TEX11: variants seen among roughly 807,000 people sequenced by gnomAD.
TEX11 encodes the protein testis-expressed protein 11.
In TEX11, 7 loss-of-function variants were observed where a neutral mutation model predicts 84.4. The observed-to-expected ratio is 0.08, with a 90% CI of 0.05 to 0.16. TEX11 has a LOEUF of 0.16. Among genes scored for constraint, TEX11 ranks in the 10% least tolerant of loss-of-function variants. TEX11 has a pLI of 1.00. For missense variants in TEX11, 551 were observed against 660.5 expected (o/e 0.83, Z 1.82); for synonymous variants, 264 against 222.8 (o/e 1.18, Z -1.64).
At chrX:70,549,075 C>G (rs868357668) in intron 28 of TEX11, among the ~76,000 whole-genome samples, 3 of 111,476 alleles carry the variant, frequency 2.7e-5, no homozygotes, top group African/African-American at 9.8e-5. Context: ...ACCAGCTCAG[C>G]CACAGTAGGA....
At chrX:70,569,343 T>A (rs2088550478) in intron 25 of TEX11, among the ~76,000 whole-genome samples, 1 of 111,750 alleles carries the variant, frequency 8.9e-6, no homozygotes, top group African/African-American at 3.3e-5. Context: ...TCTTTGCCTT[T>A]GGTTTGAATT....
intron 2 of TEX11, among the ~76,000 whole-genome samples, chrX:70,903,230 A>G (rs1012215766): frequency 1.8e-5 from 2 of 111,732 alleles, no homozygotes; most frequent in Admixed American, 1.9e-4. Context: ...AAAATAGTAT[A>G]AGATAGCATA....
intron 9 of TEX11, among the ~76,000 whole-genome samples, chrX:70,754,435 A>C (rs2090852650): frequency 9.0e-6 from 1 of 111,381 alleles, no homozygotes; most frequent in Admixed American, 9.6e-5. Context: ...AGTAAAATAT[A>C]ATAGAGCACT....
chrX:70,754,084 T>C (rs1393923655), intron 9 of TEX11, among the ~76,000 whole-genome samples: 1 of 111,544 alleles, frequency 9.0e-6, no homozygotes, highest in East Asian at 2.8e-4. Flanking sequence ...AAGGGGACTG[T>C]GTCTTGCATC....
chrX:70,652,350 G>A (rs989108028), intron 16 of TEX11, among the ~76,000 whole-genome samples: 2 of 111,321 alleles, frequency 1.8e-5, no homozygotes, highest in Non-Finnish European at 3.8e-5. Flanking sequence ...AGTTGTACAC[G>A]TTACAAAAAT....
intron 11 of TEX11, among the ~76,000 whole-genome samples, chrX:70,730,044 C>A (rs1285582550): frequency 9.0e-6 from 1 of 110,883 alleles, no homozygotes; most frequent in African/African-American, 3.3e-5. Flanking sequence ...CCAAATTTCA[C>A]GTCCAGCCAA....
Position 70,678,526 on chromosome X carries a change from C to A in TEX11, c.1242+278G>T, listed in dbSNP as rs1176004655. Among the ~76,000 whole-genome samples, 4 of 109,934 alleles carry A rather than the reference C, an allele frequency of 3.6e-5. No homozygotes were observed. The Admixed American group carries it at 3.9e-4, about 11-fold the overall frequency. Reference sequence around the variant, plus strand: ...TAAAGGGAATAAAACTCTTTCTCAGCCCTCATGTTAAAAAAATTACATTCT... The same window carrying A: ...TAAAGGGAATAAAACTCTTTCTCAGACCTCATGTTAAAAAAATTACATTCT... On this transcript the variant is annotated intron_variant, in intron 15 of 29. Transcript: ENST00000374333.
At chrX:70,700,850 C>T (rs1253643806) in intron 13 of TEX11, among the ~76,000 whole-genome samples, 2 of 111,938 alleles carry the variant, frequency 1.8e-5, no homozygotes, top group East Asian at 2.8e-4. Context: ...GCAAAACAGC[C>T]TTATTGCTAA....
chrX:70,843,418 A>G (rs1264981221), intron 7 of TEX11, among the ~76,000 whole-genome samples: 1 of 112,002 alleles, frequency 8.9e-6, no homozygotes, highest in African/African-American at 3.2e-5. Flanking sequence ...TAGAAAGCTG[A>G]AGCTGGATCC....
At chrX:70,609,508 G>A (rs1184557792) in intron 21 of TEX11, among the ~76,000 whole-genome samples, 2 of 112,219 alleles carry the variant, frequency 1.8e-5, no homozygotes, top group Non-Finnish European at 3.8e-5. Context: ...AGACTGAACT[G>A]GAGATTGAAA....
chrX:70,692,392 G>T (rs1035141008), intron 13 of TEX11, among the ~76,000 whole-genome samples: 7 of 110,842 alleles, frequency 6.3e-5, no homozygotes, highest in African/African-American at 1.6e-4. Context: ...TTCATATCGT[G>T]TAACTGAAAC....
rs747528234 is a variant in TEX11 at position 70,599,121 on chromosome X, C to T, written c.2067+6280G>A. 9.9e-4 allele frequency among the ~76,000 whole-genome samples: 106 copies of T among 107,427 alleles called. 1 individual carries two copies. Among genetic ancestry groups the T allele is most frequent in the Non-Finnish European group, 1.3e-3 (65 of 51,476 alleles). 93.3% of individuals were successfully genotyped at this position (107,427 alleles called of 115,157 possible). On this transcript the variant is annotated intron_variant, in intron 24 of 29. Transcript: ENST00000374333. ...ATCAGGACACTTTTTGTACAAAAGG[C>T]CAGACAGTAAATATTTTAGGCTTTC...
At chrX:70,712,061 T>G (rs1167220541) in intron 13 of TEX11, among the ~76,000 whole-genome samples, 39 of 111,495 alleles carry the variant, frequency 3.5e-4, no homozygotes, top group African/African-American at 1.2e-3. Context: ...TTTCCCCATT[T>G]CTTGTTTTTG....
chrX:70,826,844 C>G (rs2091349514), intron 8 of TEX11, among the ~76,000 whole-genome samples: 1 of 110,955 alleles, frequency 9.0e-6, no homozygotes, highest in Admixed American at 9.6e-5. Flanking sequence ...GTCTAGGGCA[C>G]AAGGACTGCA....
intron 3 of TEX11, among the ~76,000 whole-genome samples, chrX:70,876,994 A>T (rs2091658724): frequency 9.0e-6 from 1 of 111,698 alleles, no homozygotes; most frequent in Non-Finnish European, 1.9e-5. Flanking sequence ...AGAGGTTATG[A>T]TCTAAAAAGA....
intron 28 of TEX11, among the ~76,000 whole-genome samples, chrX:70,532,582 A>G: frequency 9.0e-6 from 1 of 111,721 alleles, no homozygotes; most frequent in African/African-American, 3.3e-5. Context: ...CTAAAAATAC[A>G]AAATAGCTGG....
chrX:70,622,424 G>A (rs2089405764), intron 20 of TEX11, among the ~76,000 whole-genome samples: 1 of 111,661 alleles, frequency 9.0e-6, no homozygotes, highest in African/African-American at 3.2e-5. Context: ...TTTCCCAATT[G>A]GTTTTAATGT....
At chrX:70,759,103 C>A (rs1404879595) in intron 9 of TEX11, among the ~76,000 whole-genome samples, 1 of 111,404 alleles carries the variant, frequency 9.0e-6, no homozygotes. Flanking sequence ...ATAACAGGTT[C>A]CAAAATTGAG....
chrX:70,845,492 TA>T (rs2091474336), intron 7 of TEX11, among the ~76,000 whole-genome samples: 1 of 111,289 alleles, frequency 9.0e-6, no homozygotes, highest in Admixed American at 9.5e-5. Flanking sequence ...AAACATCTGC[TA>T]AATAGCCAAG....
Sources: gnomAD v4.1 joint callset for allele counts (sites outside exome capture counted in the v4.1 genomes callset) on GRCh38, gnomAD v4.1.1 for gene constraint, MANE v1.5 for transcripts, NCBI Gene and HGNC (gene_info 2026-07-23, HGNC 2026-07-21) for gene names.